Variants in FBXL2 observed in about 807,000 individuals in gnomAD.
FBXL2 encodes F-box/LRR-repeat protein 2.
In FBXL2, 38 loss-of-function variants were observed where a neutral mutation model predicts 69.2. That is an observed-to-expected ratio of 0.55 (90% confidence interval 0.42 to 0.72). The LOEUF (loss-of-function observed/expected upper bound fraction) is 0.72, where lower values mean the gene tolerates loss of function less well. FBXL2 is among the 30% of genes least tolerant of loss of function. FBXL2 has a pLI of 0.00. For synonymous variants in FBXL2, 192 were observed against 201.3 expected, an observed-to-expected ratio of 0.95 and a Z score of 0.39; for missense variants, 354 against 520.3, an observed-to-expected ratio of 0.68 and a Z score of 3.11.
At chr3:33,412,444 A>G in the FBXL2 span, among the ~76,000 whole-genome samples, 12 of 151,820 alleles carry the variant, frequency 7.9e-5, no homozygotes, top group African/African-American at 2.4e-4. Flanking sequence ...CTAGAGGGGC[A>G]TGGTGGCGCG....
intron 1 of FBXL2, among the ~76,000 whole-genome samples, chr3:33,294,949 A>C (rs911445188): frequency 6.6e-6 from 1 of 152,188 alleles, no homozygotes; most frequent in African/African-American, 2.4e-5. Context: ...CTTGGAATAC[A>C]GTAGGCACTT....
At chr3:33,337,065 C>G (rs368969476) in intron 2 of FBXL2, among the ~76,000 whole-genome samples, 2 of 146,738 alleles carry the variant, frequency 1.4e-5, no homozygotes, top group African/African-American at 5.1e-5. Flanking sequence ...ATCAGCTGGA[C>G]GTGGCGGCGT....
chr3:33,413,579 A>G, the FBXL2 span, among the ~76,000 whole-genome samples: 2 of 151,924 alleles, frequency 1.3e-5, no homozygotes, highest in African/African-American at 4.8e-5. Flanking sequence ...TGAGTTTTGA[A>G]AAAAAAGAAC....
At chr3:33,343,571 G>A (rs952186583) in intron 2 of FBXL2, among the ~76,000 whole-genome samples, 1 of 152,036 alleles carries the variant, frequency 6.6e-6, no homozygotes, top group Non-Finnish European at 1.5e-5. Flanking sequence ...ATATTTAGGA[G>A]TCTATGTATC....
At chr3:33,366,997 A>T (rs1457336989) in intron 5 of FBXL2, among the ~76,000 whole-genome samples, 1 of 152,218 alleles carries the variant, frequency 6.6e-6, no homozygotes, top group African/African-American at 2.4e-5. Context: ...GTTTATGTAC[A>T]ATTTGTATTT....
chr3:33,418,663 A>C, the FBXL2 span, among the ~76,000 whole-genome samples: 2 of 151,908 alleles, frequency 1.3e-5, no homozygotes, highest in South Asian at 4.2e-4. Context: ...GTTCGAGACC[A>C]GCCTGACCAA....
chr3:33,393,251 A>C (rs2043839194), intron 12 of FBXL2: 1 of 1,490,142 alleles, frequency 6.7e-7, no homozygotes, highest in East Asian at 2.4e-5. Context: ...CTACAGTTCT[A>C]CAATTACATG....
At chr3:33,418,590 G>A in the FBXL2 span, among the ~76,000 whole-genome samples, 1 of 151,784 alleles carries the variant, frequency 6.6e-6, no homozygotes, top group African/African-American at 2.4e-5. Context: ...TGCGCGCAGT[G>A]GCTCACGCTT....
chr3:33,409,863 A>G, the FBXL2 span, among the ~76,000 whole-genome samples: 21 of 152,314 alleles, frequency 1.4e-4, no homozygotes, highest in African/African-American at 4.8e-4. Flanking sequence ...CTTGGGTCCA[A>G]TCAGGGGTAC....
intron 7 of FBXL2, 45 bp from the exon 8 acceptor site, chr3:33,373,533 C>T: frequency 6.2e-7 from 1 of 1,613,764 alleles, no homozygotes; most frequent in Non-Finnish European, 8.5e-7. Flanking sequence ...CATTAACTCT[C>T]TACAGGAGAG....
chr3:33,342,877 G>A (rs1327438761), intron 2 of FBXL2, among the ~76,000 whole-genome samples: 3 of 143,432 alleles, frequency 2.1e-5, no homozygotes, highest in South Asian at 2.2e-4. Flanking sequence ...ACAGGCGCCC[G>A]CCACCACGCC....
chr3:33,348,429 G>T (rs1037961322), intron 2 of FBXL2, among the ~76,000 whole-genome samples: 1 of 152,160 alleles, frequency 6.6e-6, no homozygotes, highest in African/African-American at 2.4e-5. Flanking sequence ...ATAATTTGAA[G>T]TCAGGTAATG....
chr3:33,306,642 C>T (rs1189542572), intron 2 of FBXL2, among the ~76,000 whole-genome samples: 1 of 152,158 alleles, frequency 6.6e-6, no homozygotes, highest in Admixed American at 6.5e-5. Context: ...TTCCCACAGT[C>T]TGGATGCTTA....
rs750829152 is a variant in FBXL2 at position 33,297,642 on chromosome 3, T to C, written c.4-22T>C. 7.0e-5 allele frequency: 102 copies of C among 1,451,612 alleles called. 1 individual carries two copies. In the South Asian group the frequency reaches 1.2e-3, roughly 17 times the overall value. The allele number at this position is 1,451,612 out of a possible 1,614,324, so 89.9% of individuals were successfully genotyped here. On this transcript the variant is annotated intron_variant, in intron 1 of 14. Coordinates refer to ENST00000484457, the MANE Select transcript of FBXL2 (RefSeq NM_012157.5). ...TTGATTAAAGAACATTTTCACAATT[T>C]CCTTTTTTTTTTTCTTTCCAGGTTT... is the stretch of plus-strand genomic sequence containing the variant.
chr3:33,288,081 C>G (rs2034834659), intron 1 of FBXL2, among the ~76,000 whole-genome samples: 1 of 152,190 alleles, frequency 6.6e-6, no homozygotes, highest in South Asian at 2.1e-4. Flanking sequence ...TCAGCCACTT[C>G]CTCTTCCAGC....
At chr3:33,407,685 C>G (rs17030626), downstream of FBXL2, among the ~76,000 whole-genome samples, 1,968 of 152,134 alleles carry the variant, frequency 0.013, 42 homozygotes, top group African/African-American at 0.045. Flanking sequence ...AAATGAGTTT[C>G]TTGTGATAGT....
chr3:33,352,662 A>G (rs1411004643), intron 2 of FBXL2, among the ~76,000 whole-genome samples: 1 of 152,168 alleles, frequency 6.6e-6, no homozygotes, highest in Non-Finnish European at 1.5e-5. Flanking sequence ...TTGGGAGGCC[A>G]AGGTGGGCAG....
exon 13 of FBXL2, chr3:33,403,590 C>G (rs1487535246): frequency 6.6e-6 from 1 of 152,110 alleles, no homozygotes; most frequent in Non-Finnish European, 1.5e-5. Context: ...GTCTGTCTAT[C>G]TATCTATCTA....
intron 3 of FBXL2, 49 bp downstream of exon 3, chr3:33,359,070 G>T: frequency 1.6e-6 from 2 of 1,283,304 alleles, no homozygotes; most frequent in South Asian, 3.2e-5. Flanking sequence ...AGTTTTATTA[G>T]AATGAGTTTT....
Sources: gnomAD v4.1 joint callset for allele counts (sites outside exome capture counted in the v4.1 genomes callset) on GRCh38, gnomAD v4.1.1 for gene constraint, MANE v1.5 for transcripts, NCBI Gene and HGNC (gene_info 2026-07-23, HGNC 2026-07-21) for gene names.